TEX11: variants seen among roughly 807,000 people sequenced by gnomAD.
TEX11 encodes testis expressed 11.
In TEX11, 7 loss-of-function variants were observed where a neutral mutation model predicts 84.4. The ratio of observed to expected loss-of-function variants is 0.08; its 90% CI spans 0.05 to 0.16. TEX11 has a LOEUF of 0.16. Ranked by LOEUF, TEX11 falls within the 10% of genes least tolerant of loss-of-function variation. The pLI is 1.00. For synonymous variants in TEX11, 264 were observed against 222.8 expected, an observed-to-expected ratio of 1.18 and a Z score of -1.64; for missense variants, 551 against 660.5, an observed-to-expected ratio of 0.83 and a Z score of 1.82.
intron 25 of TEX11, among the ~76,000 whole-genome samples, chrX:70,583,986 T>C (rs2088815474): frequency 8.9e-6 from 1 of 112,006 alleles, no homozygotes; most frequent in Non-Finnish European, 1.9e-5. Flanking sequence ...TTAGATAAAA[T>C]GACAAATTCC....
intron 11 of TEX11, among the ~76,000 whole-genome samples, chrX:70,730,513 A>G (rs1335271018): frequency 8.9e-6 from 1 of 111,847 alleles, no homozygotes; most frequent in Non-Finnish European, 1.9e-5. Context: ...TTACTCTCTG[A>G]TAATACAGAC....
chrX:70,682,545 C>A, intron 14 of TEX11, 129 bp downstream of exon 14: 1 of 705,901 alleles, frequency 1.4e-6, no homozygotes, highest in Non-Finnish European at 2.1e-6. Flanking sequence ...TGTTAAAAGA[C>A]CATTAGGGAG....
chrX:70,546,467 T>C (rs1056420807), intron 28 of TEX11, among the ~76,000 whole-genome samples: 1 of 111,297 alleles, frequency 9.0e-6, no homozygotes, highest in Non-Finnish European at 1.9e-5. Flanking sequence ...AGCCAGAGAC[T>C]AGGAGAAAAT....
intron 9 of TEX11, among the ~76,000 whole-genome samples, chrX:70,766,059 A>T (rs956012253): frequency 2.7e-5 from 3 of 112,122 alleles, no homozygotes; most frequent in Non-Finnish European, 5.6e-5. Flanking sequence ...TTAAACATCT[A>T]TGAATTAACC....
chrX:70,741,995 A>C (rs2090736483), intron 10 of TEX11, among the ~76,000 whole-genome samples: 1 of 111,832 alleles, frequency 8.9e-6, no homozygotes, highest in Admixed American at 9.6e-5. Flanking sequence ...AAGTATAAAA[A>C]TCTCAAGAGC....
chrX:70,781,013 CCCTGA>C (rs1156617519), intron 9 of TEX11, among the ~76,000 whole-genome samples: 1 of 112,249 alleles, frequency 8.9e-6, no homozygotes, highest in African/African-American at 3.2e-5. Context: ...TCAAGTGGGT[CCCTGA>C]CCCCCGTGTA....
At chrX:70,595,488 A>G (rs2088993678) in intron 24 of TEX11, among the ~76,000 whole-genome samples, 1 of 111,555 alleles carries the variant, frequency 9.0e-6, no homozygotes, top group Admixed American at 9.6e-5. Context: ...ATAACAAAAT[A>G]GCATAAAAAA....
intron 24 of TEX11, among the ~76,000 whole-genome samples, chrX:70,595,133 G>T (rs2088987782): frequency 9.0e-6 from 1 of 111,493 alleles, no homozygotes; most frequent in African/African-American, 3.3e-5. Flanking sequence ...CCGGGCTGGA[G>T]TGCAATGGCG....
chrX:70,682,733 A>G lies in TEX11; in HGVS notation c.1097T>C (p.Met366Thr). Residue 366 changes from methionine to threonine, a missense_variant, in exon 14 of 30, where the codon ATG becomes ACG. Met to Thr is a moderately conservative substitution (Grantham distance 81). Transcript: ENST00000374333. The part of the protein sequence containing the change: ...IGKVLILHTD[M>T]LLQRKEELLA... ...AAGTTCTTCCTTCCTTTGTAAAAGC[A>G]TGTCAGTATGGAGTATCAGAACTTT... The G allele has an allele frequency of 8.3e-7, 1 of 1,209,190 alleles. No homozygotes were observed. Among genetic ancestry groups the G allele is most frequent in the Non-Finnish European group, 1.1e-6 (1 of 893,629 alleles).
Position 70,842,306 on chromosome X carries a change from G to A in TEX11, c.526-8713C>T, listed in dbSNP as rs2091450997. 4.5e-5 allele frequency among the ~76,000 whole-genome samples: 5 copies of A among 111,224 alleles called. No homozygotes were observed. In the Admixed American group the frequency reaches 4.8e-4, roughly 11 times the overall value. The stretch of plus-strand genomic sequence containing the variant: ...CCATGATTAAGTGGGCTTCATCCCT[G>A]GGATGCAAGGCTGATTCAACATACG... On this transcript the variant is annotated intron_variant, in intron 7 of 29. Transcript: ENST00000374333.
chrX:70,596,678 A>G (rs2089010954), intron 24 of TEX11, among the ~76,000 whole-genome samples: 1 of 110,895 alleles, frequency 9.0e-6, no homozygotes, highest in Non-Finnish European at 1.9e-5. Context: ...TTGATATTAA[A>G]AAAAAGAAAT....
intron 9 of TEX11, among the ~76,000 whole-genome samples, chrX:70,781,999 C>T (rs1327760167): frequency 7.2e-5 from 8 of 110,568 alleles, no homozygotes; most frequent in African/African-American, 2.6e-4. Flanking sequence ...GAAGAGCAAC[C>T]ACAAGACACA....
At position 70,740,664 on chromosome X, in the gene TEX11, T is replaced by C. The variant is rs772812365; in HGVS notation, c.843+37A>G. On this transcript the variant is annotated intron_variant, in intron 11 of 29. Coordinates refer to ENST00000374333, the MANE Select transcript of TEX11 (RefSeq NM_031276.3). Reference sequence around the variant, plus strand: ...AAAATGTGATCAAGACTTCAAAAAATACATTAAGTTAGTATTCAAAAATAC... The same window carrying C: ...AAAATGTGATCAAGACTTCAAAAAACACATTAAGTTAGTATTCAAAAATAC... The C allele has an allele frequency of 5.1e-6, 5 of 988,698 alleles. No individual in the cohort carries two copies. In the African/African-American group the frequency reaches 9.7e-5, roughly 19 times the overall value. The allele number at this position is 988,698 out of a possible 1,213,427, so 81.5% of individuals were successfully genotyped here.
Position 70,670,597 on chromosome X carries a change from A to G in TEX11, c.1243-83T>C, listed in dbSNP as rs1455581405. 1.1e-5 allele frequency: 12 copies of G among 1,054,020 alleles called. No homozygotes were observed. The East Asian group carries it at 1.3e-4, about 11-fold the overall frequency. The allele number at this position is 1,054,020 out of a possible 1,213,427, so 86.9% of individuals were successfully genotyped here. A position where few individuals can be genotyped will look rare whatever the true frequency, so the allele number is the denominator to read the frequency against. On this transcript the variant is annotated intron_variant, in intron 15 of 29. Transcript: ENST00000374333. ...AGTCACCTCTAGAAACAAATAAAAG[A>G]TGCTGTTGGTTTCTTTTTTAGGCAA...
intron 5 of TEX11, among the ~76,000 whole-genome samples, chrX:70,856,857 T>TA (rs11338486): frequency 9.2e-6 from 1 of 108,875 alleles, no homozygotes; most frequent in Non-Finnish European, 1.9e-5. Context: ...ATTTTTTTTT[T>TA]AAAAAAAAGA....
the TEX11 span, among the ~76,000 whole-genome samples, chrX:70,523,394 C>T: frequency 0.11 from 12,311 of 111,203 alleles, 592 homozygotes; most frequent in Middle Eastern, 0.18. Flanking sequence ...GTAGTGAGAT[C>T]GCTAAACTGG....
At chrX:70,554,483 G>A (rs1251070862) in intron 26 of TEX11, among the ~76,000 whole-genome samples, 168 bp downstream of exon 26, 1 of 111,508 alleles carries the variant, frequency 9.0e-6, no homozygotes, top group East Asian at 2.8e-4. Flanking sequence ...ATGCACAAAT[G>A]ATCATAATAC....
chrX:70,661,655 C>T (rs1489826048), intron 16 of TEX11, among the ~76,000 whole-genome samples: 5 of 111,478 alleles, frequency 4.5e-5, no homozygotes, highest in Non-Finnish European at 7.5e-5. Flanking sequence ...CTCACACAGC[C>T]GGGTACTCCT....
rs942325409 is a variant in TEX11 at position 70,662,585 on chromosome X, G to C, written c.1380+7792C>G. On this transcript the variant is annotated intron_variant, in intron 16 of 29. Transcript: ENST00000374333. ...TTGTCAGATTCACCAAAGTTGAAAT[G>C]AAGGAAAAAATGTTAAGTGCAGCCA... Among the ~76,000 whole-genome samples, 34 of 111,316 alleles carry C rather than the reference G, an allele frequency of 3.1e-4. 1 individual carries two copies. Among genetic ancestry groups the C allele is most frequent in the African/African-American group, 9.5e-4 (29 of 30,576 alleles).
Sources: gnomAD v4.1 joint callset for allele counts (sites outside exome capture counted in the v4.1 genomes callset) on GRCh38, gnomAD v4.1.1 for gene constraint, MANE v1.5 for transcripts, NCBI Gene and HGNC (gene_info 2026-07-23, HGNC 2026-07-21) for gene names.